Variants in CNTNAP2 observed in about 807,000 individuals in gnomAD.
CNTNAP2 encodes the protein contactin-associated protein-like 2.
In CNTNAP2, 98 loss-of-function variants were observed where a neutral mutation model predicts 155.2. The observed-to-expected ratio is 0.63, with a 90% confidence interval of 0.54 to 0.75. The LOEUF is 0.75. Among genes scored for constraint, CNTNAP2 ranks in the 30% least tolerant of loss-of-function variants. The probability of loss-of-function intolerance (pLI) is 0.00; values close to 1 mark genes in which losing one functional copy is unlikely to be tolerated. For missense variants in CNTNAP2, 1,727 were observed against 1,688.1 expected, an observed-to-expected ratio of 1.02 and a Z score of -0.40; for synonymous variants, 651 against 631.2, an observed-to-expected ratio of 1.03 and a Z score of -0.47.
chr7:146,593,907 G>C (rs1404289414), intron 1 of CNTNAP2, among the ~76,000 whole-genome samples: 1 of 152,092 alleles, frequency 6.6e-6, no homozygotes, highest in Non-Finnish European at 1.5e-5. Context: ...CAAGACTCTT[G>C]CAGAGTTAGT....
At chr7:148,043,238 C>A (rs1474398611) in intron 15 of CNTNAP2, among the ~76,000 whole-genome samples, 1 of 152,148 alleles carries the variant, frequency 6.6e-6, no homozygotes, top group Non-Finnish European at 1.5e-5. Context: ...TGACAATTAC[C>A]CCCAGGAAGG....
At chr7:148,036,003 C>T (rs1396146694) in intron 15 of CNTNAP2, among the ~76,000 whole-genome samples, 3 of 152,152 alleles carry the variant, frequency 2.0e-5, no homozygotes, top group Non-Finnish European at 4.4e-5. Flanking sequence ...CCTGCTTATT[C>T]GTCCTTTTCA....
chr7:148,414,901 TGTTA>T, intron 23 of CNTNAP2: 1 of 207,166 alleles, frequency 4.8e-6, no homozygotes, highest in Non-Finnish European at 9.9e-6. Flanking sequence ...TACATGCACA[TGTTA>T]GTATTATTCG....
intron 1 of CNTNAP2, among the ~76,000 whole-genome samples, chr7:146,600,242 C>T (rs182552940): frequency 4.9e-4 from 75 of 152,170 alleles, no homozygotes; most frequent in Middle Eastern, 3.4e-3. Flanking sequence ...AGCAAAATTA[C>T]GGGCATTTTC....
At chr7:148,303,726 G>A (rs1104852) in intron 21 of CNTNAP2, among the ~76,000 whole-genome samples, 91,757 of 152,044 alleles carry the variant, frequency 0.6, 29,521 homozygotes, top group East Asian at 0.76. Context: ...TCCTAATTGG[G>A]AATTATCTTG....
At chr7:147,991,795 G>A (rs2189883) in intron 15 of CNTNAP2, among the ~76,000 whole-genome samples, 97,676 of 151,922 alleles carry the variant, frequency 0.64, 33,737 homozygotes, top group African/African-American at 0.89. Flanking sequence ...AGTACTTCAT[G>A]TCCATTGTTA....
At chr7:146,207,471 T>C (rs1374797478) in intron 1 of CNTNAP2, among the ~76,000 whole-genome samples, 1 of 151,982 alleles carries the variant, frequency 6.6e-6, no homozygotes, top group African/African-American at 2.4e-5. Flanking sequence ...CTAGCTTCCT[T>C]CAAATAACAT....
intron 13 of CNTNAP2, among the ~76,000 whole-genome samples, chr7:147,702,055 GTTTTT>G (rs553693695): frequency 1.8e-5 from 2 of 111,908 alleles, no homozygotes; most frequent in South Asian, 3.1e-4. Flanking sequence ...ACTTTGGTTG[GTTTTT>G]TTTTTTTTTT....
intron 13 of CNTNAP2, among the ~76,000 whole-genome samples, chr7:147,669,780 C>T (rs751203183): frequency 2.0e-5 from 3 of 152,220 alleles, no homozygotes; most frequent in Non-Finnish European, 4.4e-5. Context: ...CTTCTCCATC[C>T]TTCCAGCTAT....
intron 15 of CNTNAP2, among the ~76,000 whole-genome samples, chr7:148,033,573 T>A (rs1326746247): frequency 6.6e-6 from 1 of 152,146 alleles, no homozygotes; most frequent in Non-Finnish European, 1.5e-5. Flanking sequence ...ACATGCTTAA[T>A]CCTGAGATTC....
intron 1 of CNTNAP2, among the ~76,000 whole-genome samples, chr7:146,299,586 G>C (rs556519667): frequency 1.3e-5 from 2 of 151,944 alleles, no homozygotes; most frequent in South Asian, 4.2e-4. Flanking sequence ...TTATTTTGTA[G>C]ATACAGGGTC....
At chr7:147,702,499 A>G (rs1796250607) in intron 13 of CNTNAP2, among the ~76,000 whole-genome samples, 1 of 152,102 alleles carries the variant, frequency 6.6e-6, no homozygotes, top group Admixed American at 6.6e-5. Flanking sequence ...AAGAATATTT[A>G]AAAGTATAGT....
rs569195865 is a variant in CNTNAP2, at chr7:148,416,531, ATAGTT to A, written c.*921_*925del. 0.99 allele frequency: 150,219 copies of A among 152,438 alleles called. 74,051 individuals are homozygous for A. The highest frequency in any genetic ancestry group is 1 in the South Asian group (4,819 of 4,820). 9.4% of individuals were successfully genotyped at this position (152,438 alleles called of 1,614,324 possible). On this transcript the variant is annotated 3_prime_UTR_variant, in exon 24 of 24. Transcript: ENST00000361727. ...ATGATTTGTTTGCTCTTTTTCTTTT[ATAGTT>A]TAGTTATAGCAAAAATATGGATAAT...
chr7:147,925,154 A>AGAGAGAAGGAAGGAAGGAAGGAAG (rs1554450375), intron 14 of CNTNAP2, among the ~76,000 whole-genome samples: 1 of 63,342 alleles, frequency 1.6e-5, no homozygotes, highest in Non-Finnish European at 3.2e-5. Context: ...AGAGAGAGAG[A>AGAGAGAAGGAAGGAAGGAAGGAAG]GAAGGAAGGA....
chr7:146,765,639 C>A (rs1024554456), intron 1 of CNTNAP2, among the ~76,000 whole-genome samples: 6 of 152,050 alleles, frequency 3.9e-5, no homozygotes, highest in Admixed American at 1.3e-4. Flanking sequence ...GTCCATTCAA[C>A]AAGAAAAGTA....
chr7:147,017,033 A>G (rs1238900984), intron 3 of CNTNAP2, among the ~76,000 whole-genome samples: 1 of 95,372 alleles, frequency 1.0e-5, no homozygotes, highest in African/African-American at 4.3e-5. Context: ...TTAAGCTAGT[A>G]AAAAAAAAAA....
intron 1 of CNTNAP2, among the ~76,000 whole-genome samples, chr7:146,434,267 A>C (rs1796211315): frequency 6.6e-6 from 1 of 152,198 alleles, no homozygotes; most frequent in Non-Finnish European, 1.5e-5. Flanking sequence ...TGACATAAAA[A>C]GAAGAGCCAA....
At chr7:147,418,457 A>G (rs1484254136) in intron 10 of CNTNAP2, among the ~76,000 whole-genome samples, 2 of 152,230 alleles carry the variant, frequency 1.3e-5, no homozygotes, top group African/African-American at 4.8e-5. Flanking sequence ...AAGTCACACC[A>G]AGAATGTCTG....
At chr7:146,430,922 C>T (rs374829437) in intron 1 of CNTNAP2, among the ~76,000 whole-genome samples, 14 of 152,056 alleles carry the variant, frequency 9.2e-5, no homozygotes, top group East Asian at 7.7e-4. Flanking sequence ...ATCTATTCGT[C>T]GTCACTGTGA....
Sources: gnomAD v4.1 joint callset for allele counts (sites outside exome capture counted in the v4.1 genomes callset) on GRCh38, gnomAD v4.1.1 for gene constraint, MANE v1.5 for transcripts, NCBI Gene and HGNC (gene_info 2026-07-23, HGNC 2026-07-21) for gene names.